GRXCR2: variants seen among roughly 807,000 people sequenced by gnomAD.
GRXCR2 encodes the protein glutaredoxin and cysteine rich domain containing 2.
A neutral mutation model predicts 24.8 loss-of-function variants in GRXCR2; 23 were observed. The ratio of observed to expected loss-of-function variants is 0.93; its 90% CI spans 0.67 to 1.32. The LOEUF (loss-of-function observed/expected upper bound fraction) is 1.32. GRXCR2 is among the 40% of genes most tolerant of loss of function. GRXCR2 has a pLI of 0.00. For missense variants in GRXCR2, 315 were observed against 303.4 expected, an observed-to-expected ratio of 1.04 and a Z score of -0.28; for synonymous variants, 130 against 116.1, an observed-to-expected ratio of 1.12 and a Z score of -0.77.
intron 2 of GRXCR2, among the ~76,000 whole-genome samples, chr5:145,891,732 G>C (rs970433736): frequency 2.0e-5 from 3 of 152,236 alleles, no homozygotes; most frequent in Non-Finnish European, 2.9e-5. Context: ...ACAAAAGGCA[G>C]TAGACACCTC....
intron 2 of GRXCR2, among the ~76,000 whole-genome samples, chr5:145,915,889 C>G (rs772134940): frequency 6.6e-6 from 1 of 152,196 alleles, no homozygotes; most frequent in African/African-American, 2.4e-5. Context: ...ATAACCTATT[C>G]AGAGCTTTCA....
intron 2 of GRXCR2, among the ~76,000 whole-genome samples, chr5:145,926,889 C>T (rs1346770556): frequency 2.0e-5 from 3 of 152,092 alleles, no homozygotes; most frequent in African/African-American, 7.2e-5. Context: ...TTGTTTGTAT[C>T]CTCTTTTATT....
chr5:145,882,525 A>G (rs1470326740), intron 2 of GRXCR2, among the ~76,000 whole-genome samples: 2 of 152,206 alleles, frequency 1.3e-5, no homozygotes, highest in Non-Finnish European at 2.9e-5. Context: ...GAAACAACAG[A>G]TGCTGGAGAG....
chr5:145,903,745 G>A (rs1009815808), intron 2 of GRXCR2, among the ~76,000 whole-genome samples: 6 of 152,222 alleles, frequency 3.9e-5, no homozygotes, highest in African/African-American at 1.4e-4. Context: ...TGAAGACAAA[G>A]AATCTGGCCT....
chr5:145,900,039 A>G (rs1442320429), intron 2 of GRXCR2, among the ~76,000 whole-genome samples: 1 of 152,202 alleles, frequency 6.6e-6, no homozygotes, highest in East Asian at 1.9e-4. Flanking sequence ...AGAATCTATA[A>G]GAAACTTAAA....
At chr5:145,886,993 A>G (rs1320586102) in intron 2 of GRXCR2, among the ~76,000 whole-genome samples, 1 of 152,230 alleles carries the variant, frequency 6.6e-6, no homozygotes, top group African/African-American at 2.4e-5. Flanking sequence ...ATATTGACAC[A>G]GTAGAATCAC....
intron 2 of GRXCR2, among the ~76,000 whole-genome samples, chr5:145,929,902 GTTTC>G (rs1264949682): frequency 6.6e-6 from 1 of 151,894 alleles, no homozygotes; most frequent in Non-Finnish European, 1.5e-5. Context: ...AATCACTTCC[GTTTC>G]TTTATGATAC....
intron 2 of GRXCR2, among the ~76,000 whole-genome samples, chr5:145,912,693 G>A (rs1014084160): frequency 1.3e-5 from 2 of 152,148 alleles, no homozygotes; most frequent in Non-Finnish European, 2.9e-5. Context: ...ATAGCAAGAT[G>A]AGGCCTATGA....
upstream of GRXCR2, among the ~76,000 whole-genome samples, chr5:145,877,774 C>A (rs149301038): frequency 3.3e-5 from 5 of 152,246 alleles, no homozygotes; most frequent in African/African-American, 1.2e-4. Context: ...CAGTAGGGGC[C>A]GACAGACACC....
At position 145,927,523 on chromosome 5, in the gene GRXCR2, G is replaced by C. The variant is rs570873058; in HGVS notation, c.-70+8178C>G. Reference sequence around the variant, plus strand: ...TGTCATTGGTTCTGTTTATATGCTGGATTACGTTTATTGATTTGCGTATGT... The same window carrying C: ...TGTCATTGGTTCTGTTTATATGCTGCATTACGTTTATTGATTTGCGTATGT... On this transcript the variant is annotated intron_variant, in intron 2 of 3. Transcript: ENST00000639411. Among the ~76,000 whole-genome samples the C allele has an allele frequency of 6.3e-4, 96 of 152,218 alleles. 2 individuals are homozygous for C. The South Asian group carries it at 0.019, about 30-fold the overall frequency.
At chr5:145,914,675 CAAAAAAAAAAAAAAA>C (rs34955541) in intron 2 of GRXCR2, among the ~76,000 whole-genome samples, 3 of 55,228 alleles carry the variant, frequency 5.4e-5, no homozygotes, top group Admixed American at 2.4e-4. Context: ...GACTCCATCT[CAAAAAAAAAAAAAAA>C]AAAAAAAAAA....
At chr5:145,898,657 C>A (rs913129430) in intron 2 of GRXCR2, among the ~76,000 whole-genome samples, 1 of 151,956 alleles carries the variant, frequency 6.6e-6, no homozygotes, top group African/African-American at 2.4e-5. Context: ...TAATTCACCA[C>A]ATAAAAAATT....
chr5:145,925,425 T>C (rs191623012), intron 2 of GRXCR2, among the ~76,000 whole-genome samples: 11 of 152,330 alleles, frequency 7.2e-5, no homozygotes, highest in African/African-American at 2.6e-4. Flanking sequence ...TTGTTACTGA[T>C]TGCATTTTTA....
intron 2 of GRXCR2, among the ~76,000 whole-genome samples, chr5:145,918,647 T>A (rs1232811096): frequency 6.6e-6 from 1 of 152,178 alleles, no homozygotes; most frequent in Non-Finnish European, 1.5e-5. Context: ...TTCAGCTGTG[T>A]CACCTGAATG....
At chr5:145,871,873 T>C (rs555521815) in intron 1 of GRXCR2, among the ~76,000 whole-genome samples, 1 of 152,340 alleles carries the variant, frequency 6.6e-6, no homozygotes, top group Non-Finnish European at 1.5e-5. Context: ...TAAGAAGTCA[T>C]TCATGGTCCC....
chr5:145,876,784 C>T (rs80146140), upstream of GRXCR2, among the ~76,000 whole-genome samples: 456 of 152,224 alleles, frequency 3.0e-3, 2 homozygotes, highest in African/African-American at 0.011. Flanking sequence ...AATTTTCAGA[C>T]GTTGGTGTTT....
intron 2 of GRXCR2, among the ~76,000 whole-genome samples, chr5:145,930,313 G>A (rs567226364): frequency 2.6e-5 from 4 of 152,142 alleles, no homozygotes; most frequent in South Asian, 2.1e-4. Flanking sequence ...TCAAACTCCC[G>A]GCCTCAAGTG....
intron 2 of GRXCR2, among the ~76,000 whole-genome samples, chr5:145,907,590 G>A (rs1757110108): frequency 6.6e-6 from 1 of 151,984 alleles, no homozygotes; most frequent in Non-Finnish European, 1.5e-5. Context: ...CGAGTATAAA[G>A]AAGGGAGACC....
chr5:145,889,168 CAAAAAAAG>C (rs1297617430), intron 2 of GRXCR2, among the ~76,000 whole-genome samples: 2 of 55,192 alleles, frequency 3.6e-5, no homozygotes, highest in African/African-American at 6.4e-5. Context: ...GACTCTGTCT[CAAAAAAAG>C]AAAGAAAGAA....
Sources: allele counts gnomAD v4.1 joint callset (sites outside exome capture counted in the v4.1 genomes callset), GRCh38; gene constraint gnomAD v4.1.1; transcripts MANE v1.5; gene names NCBI Gene and HGNC (gene_info 2026-07-23, HGNC 2026-07-21).